The following ERAP2 variants were observed in gnomAD, a reference collection of about 807,000 sequenced individuals.
The protein encoded by ERAP2 is endoplasmic reticulum aminopeptidase 2.
ERAP2 carries 118 observed loss-of-function variants against 111.1 expected under a neutral mutation model. That is an observed-to-expected ratio of 1.06 (90% CI 0.92 to 1.24). ERAP2 has a LOEUF of 1.24. ERAP2 is among the 50% of genes most tolerant of loss of function. ERAP2 has a pLI of 0.00. For missense variants in ERAP2, 1,131 were observed against 1,125.8 expected (o/e 1.00, Z -0.07); for synonymous variants, 410 against 401.2 (o/e 1.02, Z -0.26).
chr5:96,889,597 G>C (rs181947135), intron 5 of ERAP2: 1 of 664,718 alleles, frequency 1.5e-6, no homozygotes, highest in African/African-American at 1.8e-5. Context: ...AGGCTGGGAC[G>C]GAAGCCAGGT....
chr5:96,896,494 C>T lies in ERAP2; in HGVS notation c.1361C>T (p.Ser454Phe), dbSNP rs147381806. 3.7e-5 allele frequency: 59 copies of T among 1,613,008 alleles called. No individual in the cohort carries two copies. The African/African-American group carries it at 6.5e-4, about 18-fold the overall frequency. Residue 454 changes from serine to phenylalanine, a missense_variant, in exon 8 of 19, where the codon TCC becomes TTC. By Grantham distance (155) the Ser-to-Phe change is radical. This residue lies in a region of ERAP2 where 847 missense variants were observed against 856.5 expected (regional missense o/e 0.99). Coordinates refer to ENST00000437043, the MANE Select transcript of ERAP2 (RefSeq NM_022350.5). ...ATACAGGAAATGTTTGATGAAGTTT[C>T]CTATAACAAGGTAGTAAATATCAGG... ...TQIQEMFDEV[S>F]YNKGACILNM...
chr5:96,887,758 A>G (rs1173427819), intron 4 of ERAP2, among the ~76,000 whole-genome samples: 1 of 152,258 alleles, frequency 6.6e-6, no homozygotes, highest in African/African-American at 2.4e-5. Flanking sequence ...TAAATAAAAA[A>G]GAACTTCTTA....
chr5:96,916,977 G>T (rs1447956757), intron 18 of ERAP2, among the ~76,000 whole-genome samples: 3 of 152,008 alleles, frequency 2.0e-5, no homozygotes, highest in East Asian at 3.9e-4. Context: ...TTTACCTATT[G>T]TTTGAAAATA....
At position 96,903,421 on chromosome 5, in the gene ERAP2, G is replaced by A; in HGVS notation, c.1873G>A (p.Val625Met). 6.2e-7 allele frequency: 1 copy of A among 1,613,708 alleles called. No homozygotes were observed. Among genetic ancestry groups the A allele is most frequent in the Non-Finnish European group, 8.5e-7 (1 of 1,179,836 alleles). ...AAAGACCAGTTGGGTGAAATTTAAT[G>A]TGGACTCAAATGGTTACTACATCGT... ...PEKTSWVKFN[V>M]DSNGYYIVHY... The change falls in exon 13 of 19, where the codon GTG (valine) becomes ATG (methionine). Residue 625 changes from valine (V) to methionine (M), a missense_variant. By Grantham distance (21) the Val-to-Met change is conservative. Transcript: ENST00000437043.
intron 13 of ERAP2, among the ~76,000 whole-genome samples, chr5:96,908,734 T>C (rs991365259): frequency 6.6e-6 from 1 of 152,196 alleles, no homozygotes; most frequent in African/African-American, 2.4e-5. Context: ...ATGAGGAAGA[T>C]AGTATTATTA....
At chr5:96,884,742 G>T (rs1783549916) in intron 3 of ERAP2, among the ~76,000 whole-genome samples, 1 of 151,608 alleles carries the variant, frequency 6.6e-6, no homozygotes. Flanking sequence ...TGTATTTTCA[G>T]TAGAGACGGG....
intron 13 of ERAP2, among the ~76,000 whole-genome samples, chr5:96,906,070 C>T (rs1044322617): frequency 2.6e-5 from 4 of 151,972 alleles, no homozygotes; most frequent in African/African-American, 9.7e-5. Context: ...CCACCACACC[C>T]AGTGTAAATC....
At chr5:96,892,810 T>C (rs1005163107) in intron 6 of ERAP2, among the ~76,000 whole-genome samples, 2 of 152,202 alleles carry the variant, frequency 1.3e-5, no homozygotes, top group Non-Finnish European at 2.9e-5. Context: ...TTATATCCCC[T>C]GGTACTCTGG....
At chr5:96,889,612 G>C in intron 5 of ERAP2, 1 of 652,466 alleles carries the variant, frequency 1.5e-6, no homozygotes, top group South Asian at 1.8e-5. Context: ...CCAGGTAGAG[G>C]GTCCAGGAAA....
chr5:96,879,764 G>A lies in ERAP2; in HGVS notation c.79G>A (p.Ala27Thr), dbSNP rs1343219975. Reference protein sequence around the residue: ...NIHRGFYCLTAILPQICICSQ... With the variant: ...NIHRGFYCLTTILPQICICSQ... ...TCACAGAGGATTTTACTGCTTAACA[G>A]CCATCTTGCCCCAAATATGCATTTG... Residue 27 changes from alanine (A) to threonine (T), a missense_variant, in exon 2 of 19, where the codon GCC becomes ACC. Ala to Thr is a moderately conservative substitution (Grantham distance 58, BLOSUM62 0). Around this residue, in one of 3 missense-constraint regions of ERAP2, gnomAD observed 847 missense variants for 856.5 expected, o/e 0.99. Coordinates refer to ENST00000437043, the MANE Select transcript of ERAP2 (RefSeq NM_022350.5). 2 of 1,614,044 alleles carry A rather than the reference G, an allele frequency of 1.2e-6. No homozygotes were observed. Among genetic ancestry groups the A allele is most frequent in the Non-Finnish European group, 1.7e-6 (2 of 1,180,016 alleles).
intron 13 of ERAP2, among the ~76,000 whole-genome samples, chr5:96,908,014 GAGA>G (rs987960362): frequency 7.2e-5 from 11 of 152,182 alleles, no homozygotes; most frequent in African/African-American, 2.4e-4. Flanking sequence ...CATCGTGATT[GAGA>G]AGATTAAAGG....
At chr5:96,890,954 C>T (rs951242484) in intron 5 of ERAP2, among the ~76,000 whole-genome samples, 8 of 152,044 alleles carry the variant, frequency 5.3e-5, no homozygotes, top group East Asian at 1.9e-4. Flanking sequence ...TTAAGACTAA[C>T]GGAAAAGAAG....
At chr5:96,904,843 T>C (rs550994959) in intron 13 of ERAP2, among the ~76,000 whole-genome samples, 17 of 152,328 alleles carry the variant, frequency 1.1e-4, no homozygotes, top group Admixed American at 8.5e-4. Context: ...TATTGATGCA[T>C]TGGTGGAAAA....
chr5:96,895,215 C>T (rs1376640981), intron 6 of ERAP2, 31 bp from the exon 7 acceptor site: 3 of 1,296,548 alleles, frequency 2.3e-6, no homozygotes, highest in Middle Eastern at 1.9e-4. Context: ...ATTTGTTTAA[C>T]TTCTAATAAT....
chr5:96,911,730 G>A (rs2910793), intron 15 of ERAP2, among the ~76,000 whole-genome samples: 94,348 of 151,234 alleles, frequency 0.62, 29,588 homozygotes, highest in South Asian at 0.73. Flanking sequence ...AAAATTAGCC[G>A]GGCATGGTGC....
At position 96,913,303 on chromosome 5, in the gene ERAP2, T is replaced by G. The variant is rs1291003682; in HGVS notation, c.2517-14T>G. The G allele has an allele frequency of 1.2e-6, 2 of 1,608,516 alleles. No homozygotes were observed. The highest frequency in any genetic ancestry group is 2.2e-5 in the South Asian group (2 of 90,682). On this transcript the variant is annotated splice_polypyrimidine_tract_variant and intron_variant, in intron 16 of 18. Coordinates refer to ENST00000437043, the MANE Select transcript of ERAP2 (RefSeq NM_022350.5). ...TACCTACTATTTAGAAACAAATTATTTTTCTTTCTTCAGGTTAATTGAACT... is the reference window on the plus strand; with the variant it reads ...TACCTACTATTTAGAAACAAATTATGTTTCTTTCTTCAGGTTAATTGAACT...
intron 10 of ERAP2, 74 bp from the exon 11 acceptor site, chr5:96,901,432 G>C: frequency 6.7e-7 from 1 of 1,499,176 alleles, no homozygotes; most frequent in East Asian, 2.3e-5. Flanking sequence ...CATCCAAGGA[G>C]ATGGAAGTTT....
intron 4 of ERAP2, 151 bp downstream of exon 4, chr5:96,886,940 G>A: frequency 1.5e-6 from 1 of 664,160 alleles, no homozygotes; most frequent in Non-Finnish European, 2.1e-6. Context: ...ATTATCCATA[G>A]TCCTGTCACC....
Position 96,893,884 on chromosome 5 carries a change from T to C in ERAP2, c.1126-1362T>C, listed in dbSNP as rs1404852336. Among the ~76,000 whole-genome samples, 4 of 152,224 alleles carry C rather than the reference T, an allele frequency of 2.6e-5. No individual in the cohort carries two copies. In the East Asian group the frequency reaches 7.7e-4, roughly 29 times the overall value. The stretch of plus-strand genomic sequence containing the variant: ...TAAGCTTTAGCCATCCAAGATTACC[T>C]GCCATTTTCTGAACATGCCAGGTTG... On this transcript the variant is annotated intron_variant, in intron 6 of 18. Transcript: ENST00000437043.
Sources: gnomAD v4.1 joint callset for allele counts (sites outside exome capture counted in the v4.1 genomes callset) on GRCh38, gnomAD v4.1.1 for gene constraint, gnomAD v4.1.1 regional missense constraint, MANE v1.5 for transcripts, NCBI Gene and HGNC (gene_info 2026-07-23, HGNC 2026-07-21) for gene names.